CTPS2: variants seen among roughly 807,000 people sequenced by gnomAD.
CTPS2 encodes the protein CTP synthase 2, also known as CTP synthase II.
A neutral mutation model predicts 46.8 loss-of-function variants in CTPS2; 19 were observed. The ratio of observed to expected loss-of-function variants is 0.41; its 90% CI spans 0.28 to 0.60. CTPS2 has a LOEUF of 0.60. Among genes scored for constraint, CTPS2 ranks in the 20% least tolerant of loss-of-function variants. CTPS2 has a pLI of 0.35. For synonymous variants in CTPS2, 151 were observed against 165.2 expected, an observed-to-expected ratio of 0.91 and a Z score of 0.66; for missense variants, 286 against 447.6, an observed-to-expected ratio of 0.64 and a Z score of 3.26.
chrX:16,694,399 GGACTCTGACCCTCCTTGGAGGGCA>G (rs1364542127), intron 4 of CTPS2, among the ~76,000 whole-genome samples: 10 of 110,548 alleles, frequency 9.0e-5, no homozygotes, highest in African/African-American at 1.6e-4. Context: ...CTTGGAGGGC[GGACTCTGACCCTCCTTGGAGGGCA>G]GACTCTGACC....
intron 14 of CTPS2, among the ~76,000 whole-genome samples, chrX:16,635,704 T>C (rs953914664): frequency 9.0e-6 from 1 of 111,677 alleles, no homozygotes; most frequent in African/African-American, 3.3e-5. Context: ...AAAAACACTA[T>C]CATGCTATAT....
intron 17 of CTPS2, among the ~76,000 whole-genome samples, chrX:16,596,188 G>GT (rs113800057): frequency 0.013 from 1,392 of 103,964 alleles, 20 homozygotes; most frequent in African/African-American, 0.045. Context: ...GTTTTTTTTT[G>GT]TTTTTTTTTT....
Position 16,678,459 on chromosome X carries a change from C to T in CTPS2, c.1006-9G>A. 2 of 1,107,737 alleles carry T rather than the reference C, an allele frequency of 1.8e-6. No individual in the cohort carries two copies. The highest frequency in any genetic ancestry group is 2.5e-6 in the Non-Finnish European group (2 of 805,051). The allele number at this position is 1,107,737 out of a possible 1,213,427, so 91.3% of individuals were successfully genotyped here. ...TCAATGGAGTCTATGTACTAAAAAA[C>T]ATCCAACAGATAAAAGGAGTATTTA... is the stretch of plus-strand genomic sequence containing the variant. On this transcript the variant is annotated splice_polypyrimidine_tract_variant and intron_variant, in intron 9 of 18. Coordinates refer to ENST00000359276, the MANE Select transcript of CTPS2 (RefSeq NM_175859.3).
At chrX:16,681,721 G>GT (rs753276037) in intron 9 of CTPS2, among the ~76,000 whole-genome samples, 2 of 109,997 alleles carry the variant, frequency 1.8e-5, no homozygotes, top group Non-Finnish European at 3.8e-5. Flanking sequence ...AACTTTTTAA[G>GT]TTTTTTTTAT....
At chrX:16,637,670 T>A (rs1931825337) in intron 14 of CTPS2, among the ~76,000 whole-genome samples, 2 of 112,526 alleles carry the variant, frequency 1.8e-5, no homozygotes, top group Non-Finnish European at 3.7e-5. Flanking sequence ...CGTAGGCAAT[T>A]ACTTGAACAA....
In CTPS2 at chrX:16,647,255, C is replaced by CTT. The variant is rs746634342; in HGVS notation, c.1297-8014_1297-8013dup. ...GACAATAGGCAGCATTGGGCCCATT[C>CTT]TTTTTTTTTTTTTTTTTTTTTTTTT... On this transcript the variant is annotated intron_variant, in intron 13 of 18. Coordinates refer to ENST00000359276, the MANE Select transcript of CTPS2 (RefSeq NM_175859.3). Among the ~76,000 whole-genome samples, 89 of 39,757 alleles carry CTT rather than the reference C, an allele frequency of 2.2e-3. 2 individuals are homozygous for CTT. Among genetic ancestry groups the CTT allele is most frequent in the Non-Finnish European group, 2.9e-3 (64 of 21,936 alleles). 34.5% of individuals were successfully genotyped at this position (39,757 alleles called of 115,157 possible).
intron 16 of CTPS2, among the ~76,000 whole-genome samples, chrX:16,612,402 T>G (rs1188525702): frequency 8.9e-6 from 1 of 112,131 alleles, no homozygotes; most frequent in Non-Finnish European, 1.9e-5. Flanking sequence ...CATTTCCTTT[T>G]CAATCCACAT....
At chrX:16,650,528 T>C (rs1055099366) in intron 13 of CTPS2, among the ~76,000 whole-genome samples, 2 of 100,729 alleles carry the variant, frequency 2.0e-5, no homozygotes, top group Non-Finnish European at 4.1e-5. Context: ...TTTTTTTTTT[T>C]TTTTTTGCAG....
chrX:16,681,524 T>C (rs1922744238), intron 9 of CTPS2, among the ~76,000 whole-genome samples: 1 of 111,419 alleles, frequency 9.0e-6, no homozygotes, highest in African/African-American at 3.3e-5. Context: ...GCTTTCTGCA[T>C]TTTAGATTTA....
chrX:16,607,330 G>A (rs1237191756), intron 17 of CTPS2, among the ~76,000 whole-genome samples: 3 of 112,415 alleles, frequency 2.7e-5, no homozygotes. Flanking sequence ...TCCAATCAGT[G>A]GCATAAGCTG....
chrX:16,613,870 C>T (rs1166069916), intron 16 of CTPS2, among the ~76,000 whole-genome samples: 3 of 111,620 alleles, frequency 2.7e-5, no homozygotes, highest in East Asian at 2.8e-4. Context: ...GGATTACAGG[C>T]GTGAGCCACT....
intron 13 of CTPS2, among the ~76,000 whole-genome samples, chrX:16,652,025 G>T (rs769556636): frequency 6.4e-5 from 7 of 109,622 alleles, no homozygotes; most frequent in Non-Finnish European, 1.1e-4. Flanking sequence ...GGATGGGGGG[G>T]GCCAGTGGAT....
At chrX:16,657,874 T>C (rs56937482) in intron 13 of CTPS2, among the ~76,000 whole-genome samples, 13,386 of 111,143 alleles carry the variant, frequency 0.12, 597 homozygotes, top group East Asian at 0.16. Context: ...ATGAAATTCA[T>C]TGGAAGCCAT....
chrX:16,683,088 A>G lies in CTPS2; in HGVS notation c.1005+6T>C. On this transcript the variant is annotated splice_donor_region_variant and intron_variant, in intron 9 of 18. Coordinates refer to ENST00000359276, the MANE Select transcript of CTPS2 (RefSeq NM_175859.3). The stretch of plus-strand genomic sequence containing the variant: ...GAGATAGCCAAAAGACCAGGCCAGG[A>G]CTCACCATCAGATTCAACTTGTGGT... The G allele has an allele frequency of 8.3e-7, 1 of 1,211,050 alleles. No homozygotes were observed. Among genetic ancestry groups the G allele is most frequent in the Non-Finnish European group, 1.1e-6 (1 of 895,280 alleles).
At chrX:16,650,062 T>C (rs1358575865) in intron 13 of CTPS2, 1 of 111,493 alleles carries the variant, frequency 9.0e-6, no homozygotes, top group African/African-American at 3.3e-5. Flanking sequence ...AAACCATTAA[T>C]AATTACCCTT....
chrX:16,623,115 T>C (rs1165486903), intron 14 of CTPS2, among the ~76,000 whole-genome samples: 1 of 111,547 alleles, frequency 9.0e-6, no homozygotes, highest in Non-Finnish European at 1.9e-5. Flanking sequence ...TTTTAAATCT[T>C]TTATTTTAAA....
chrX:16,690,803 TAC>T (rs780818838), intron 7 of CTPS2, among the ~76,000 whole-genome samples: 2 of 112,169 alleles, frequency 1.8e-5, no homozygotes, highest in Non-Finnish European at 3.8e-5. Context: ...CAAATCACAG[TAC>T]AGTTTCTGTA....
At chrX:16,615,116 C>T (rs1363364116) in intron 16 of CTPS2, among the ~76,000 whole-genome samples, 1 of 110,423 alleles carries the variant, frequency 9.1e-6, no homozygotes, top group Non-Finnish European at 1.9e-5. Context: ...GTGGTGGTTA[C>T]AGTGAGCCAA....
Position 16,702,851 on chromosome X carries a change from T to C in CTPS2, c.52A>G (p.Ile18Val). Residue 18 changes from isoleucine to valine, a missense_variant, in exon 2 of 19, where the codon ATC (isoleucine) becomes GTC (valine). Coordinates refer to ENST00000359276, the MANE Select transcript of CTPS2 (RefSeq NM_175859.3). ...ATCGTTCCAATGCTGCTGGCAATGA[T>C]CCCTTTACCAATGCCTGAGATGACC... is the stretch of plus-strand genomic sequence containing the variant. ...GGVISGIGKG[I>V]IASSIGTILK... The C allele has an allele frequency of 8.3e-7, 1 of 1,210,158 alleles. No homozygotes were observed. Among genetic ancestry groups the C allele is most frequent in the Non-Finnish European group, 1.1e-6 (1 of 894,614 alleles).
Sources: allele counts gnomAD v4.1 joint callset (sites outside exome capture counted in the v4.1 genomes callset), GRCh38; gene constraint gnomAD v4.1.1; transcripts MANE v1.5; gene names NCBI Gene and HGNC (gene_info 2026-07-23, HGNC 2026-07-21).